Variants in C5orf15 observed in about 807,000 individuals in gnomAD.
The protein encoded by C5orf15 is chromosome 5 open reading frame 15.
Under a neutral mutation model 17.8 loss-of-function variants are expected in C5orf15, and 10 were observed. The ratio of observed to expected loss-of-function variants is 0.56; its 90% CI spans 0.35 to 0.95. The LOEUF is 0.95. Among genes scored for constraint, C5orf15 ranks in the 40% least tolerant of loss-of-function variants. The pLI is 0.02. For missense variants in C5orf15, 319 were observed against 331.7 expected, an observed-to-expected ratio of 0.96 and a Z score of 0.30; for synonymous variants, 124 against 131.0, an observed-to-expected ratio of 0.95 and a Z score of 0.36.
At chr5:133,966,555 C>T (rs1272456587) in intron 1 of C5orf15, among the ~76,000 whole-genome samples, 1 of 152,198 alleles carries the variant, frequency 6.6e-6, no homozygotes, top group Non-Finnish European at 1.5e-5. Context: ...TTCTTACAGA[C>T]TGACGAGCAT....
rs568340511 is a variant in C5orf15, at chr5:133,956,774, C to A, written c.*85G>T. ...AGAGACTCACCTCTCATTTAAGTACCAATTGCCTATGGCAAACATTTGCAC... is the reference window on the plus strand; with the variant it reads ...AGAGACTCACCTCTCATTTAAGTACAAATTGCCTATGGCAAACATTTGCAC... On this transcript the variant is annotated 3_prime_UTR_variant, in exon 3 of 3. Transcript: ENST00000231512. 2.9e-4 allele frequency: 400 copies of A among 1,384,062 alleles called. 1 individual carries two copies. In the African/African-American group the frequency reaches 3.2e-3, roughly 11 times the overall value. The allele number at this position is 1,384,062 out of a possible 1,614,324, so 85.7% of individuals were successfully genotyped here. A position where few individuals can be genotyped will look rare whatever the true frequency, so the allele number is the denominator to read the frequency against.
chr5:133,965,789 G>A (rs913050125), intron 1 of C5orf15, among the ~76,000 whole-genome samples: 1 of 152,186 alleles, frequency 6.6e-6, no homozygotes, highest in Non-Finnish European at 1.5e-5. Context: ...GCTGAGCACG[G>A]TGGCAGGCAC....
intron 1 of C5orf15, among the ~76,000 whole-genome samples, chr5:133,960,362 T>A (rs1752106402): frequency 6.6e-6 from 1 of 152,220 alleles, no homozygotes; most frequent in Admixed American, 6.5e-5. Flanking sequence ...TGTTTTCATT[T>A]CATAAAGGGT....
intron 2 of C5orf15, among the ~76,000 whole-genome samples, chr5:133,958,604 A>AAAAAT (rs1752072240): frequency 3.3e-5 from 5 of 149,274 alleles, no homozygotes; most frequent in African/African-American, 5.0e-5. Context: ...AAAAAAAAAA[A>AAAAAT]CTCTGTGAGA....
At chr5:133,958,907 A>C (rs1386340534) in intron 2 of C5orf15, among the ~76,000 whole-genome samples, 1 of 152,210 alleles carries the variant, frequency 6.6e-6, no homozygotes, top group East Asian at 1.9e-4. Flanking sequence ...CTCTTAAAAA[A>C]AAAATCACTG....
intron 1 of C5orf15, 75 bp from the exon 2 acceptor site, chr5:133,960,095 T>G: frequency 7.7e-7 from 1 of 1,296,686 alleles, no homozygotes; most frequent in Non-Finnish European, 1.1e-6. Context: ...TTTACCCAAA[T>G]TTTACACTAA....
Position 133,959,611 on chromosome 5 carries a change from T to C in C5orf15, c.549A>G (p.Lys183=). 6.2e-7 allele frequency: 1 copy of C among 1,613,044 alleles called. No individual in the cohort carries two copies. Among genetic ancestry groups the C allele is most frequent in the Non-Finnish European group, 8.5e-7 (1 of 1,179,710 alleles). The change falls in exon 2 of 3, where the codon AAA becomes AAG. Residue 183 remains lysine, a synonymous_variant. Transcript: ENST00000231512. ...TATTTGAGGATGGCATCTTAAAAGATTTCACTGACTGTTCAATTTCCATGT... is the reference window on the plus strand; with the variant it reads ...TATTTGAGGATGGCATCTTAAAAGACTTCACTGACTGTTCAATTTCCATGT... ...RGYMEIEQSV[K]SFKMPSSNIE... is the part of the protein sequence containing the mutation.
intron 1 of C5orf15, among the ~76,000 whole-genome samples, chr5:133,966,955 G>A (rs1752200881): frequency 1.3e-5 from 2 of 152,152 alleles, no homozygotes; most frequent in Non-Finnish European, 2.9e-5. Flanking sequence ...ACAAATAAAA[G>A]CAGAGACTAA....
chr5:133,958,482 C>T (rs1330389126), intron 2 of C5orf15, among the ~76,000 whole-genome samples: 1 of 143,168 alleles, frequency 7.0e-6, no homozygotes. Flanking sequence ...GAGGCTGAGC[C>T]ATGAAAATCG....
At position 133,959,993 on chromosome 5, in the gene C5orf15, G is replaced by A; in HGVS notation, c.167C>T (p.Pro56Leu). 1 of 1,610,990 alleles carries A rather than the reference G, an allele frequency of 6.2e-7. No individual in the cohort carries two copies. Among genetic ancestry groups the A allele is most frequent in the Non-Finnish European group, 8.5e-7 (1 of 1,177,410 alleles). Residue 56 changes from proline (P) to leucine (L), a missense_variant, in exon 2 of 3, where the codon CCA becomes CTA. This residue lies in a region of C5orf15 where 127 missense variants were observed against 95.6 expected (regional missense o/e 1.33). Transcript: ENST00000231512. Reference sequence around the variant, plus strand: ...AGAAATATGTGAGTTGAGTACGGTTGGGCTCGGTGAATCAGTCCGTGATAC... The same window carrying A: ...AGAAATATGTGAGTTGAGTACGGTTAGGCTCGGTGAATCAGTCCGTGATAC... Reference protein sequence around the residue: ...SVVSRTDSPSPTVLNSHISTP... With the variant: ...SVVSRTDSPSLTVLNSHISTP...
At chr5:133,959,459 G>C (rs774780423) in intron 2 of C5orf15, 35 bp downstream of exon 2, 34 of 666,194 alleles carry the variant, frequency 5.1e-5, no homozygotes, top group Non-Finnish European at 7.1e-5. Flanking sequence ...CATTATGACT[G>C]AAATAATAAA....
intron 1 of C5orf15, among the ~76,000 whole-genome samples, chr5:133,961,064 CAT>C (rs937799231): frequency 7.9e-5 from 12 of 151,636 alleles, no homozygotes; most frequent in Admixed American, 3.9e-4. Flanking sequence ...CTTTCACAAA[CAT>C]GTGCATTCAC....
rs546904041 is a variant in C5orf15 at position 133,956,711 on chromosome 5, G to A, written c.*148C>T. 1.8e-5 allele frequency: 13 copies of A among 712,270 alleles called. No individual in the cohort carries two copies. The highest frequency in any genetic ancestry group is 4.2e-4 in the Middle Eastern group (1 of 2,362). The allele number at this position is 712,270 out of a possible 1,614,324, so 44.1% of individuals were successfully genotyped here. On this transcript the variant is annotated 3_prime_UTR_variant, in exon 3 of 3. Transcript: ENST00000231512. ...AGTACAGATAAAAAATTATATACTC[G>A]TTTGTGACATTTAATTTCCAAAGCA...
chr5:133,961,595 T>TC (rs1752126150), intron 1 of C5orf15, among the ~76,000 whole-genome samples: 2 of 148,344 alleles, frequency 1.3e-5, no homozygotes, highest in African/African-American at 4.9e-5. Context: ...CTTTTTCCCT[T>TC]TTTTTTTTTT....
At chr5:133,960,965 A>G (rs952927493) in intron 1 of C5orf15, among the ~76,000 whole-genome samples, 2 of 151,990 alleles carry the variant, frequency 1.3e-5, no homozygotes, top group African/African-American at 4.8e-5. Context: ...TGTCATGTAG[A>G]TCTAAACATA....
At chr5:133,958,092 G>A (rs1752062639) in intron 2 of C5orf15, among the ~76,000 whole-genome samples, 1 of 151,822 alleles carries the variant, frequency 6.6e-6, no homozygotes, top group Non-Finnish European at 1.5e-5. Flanking sequence ...CATGAATCTA[G>A]TATGTTTTTA....
intron 1 of C5orf15, among the ~76,000 whole-genome samples, chr5:133,964,562 T>C (rs773410104): frequency 3.3e-5 from 5 of 152,212 alleles, no homozygotes; most frequent in African/African-American, 2.4e-5. Context: ...TTAGGAAAAC[T>C]GGGTAGGGGA....
intron 1 of C5orf15, among the ~76,000 whole-genome samples, chr5:133,960,235 A>C (rs1260695553): frequency 6.6e-6 from 1 of 152,190 alleles, no homozygotes; most frequent in Non-Finnish European, 1.5e-5. Context: ...AGATACTAAC[A>C]ATTTAAGCAG....
At chr5:133,957,282 G>A (rs558036244) in intron 2 of C5orf15, among the ~76,000 whole-genome samples, 3 of 150,936 alleles carry the variant, frequency 2.0e-5, no homozygotes, top group African/African-American at 7.3e-5. Context: ...AGGATCACTC[G>A]AGCCCAGGAG....
Sources: gnomAD v4.1 joint callset for allele counts (sites outside exome capture counted in the v4.1 genomes callset) on GRCh38, gnomAD v4.1.1 for gene constraint, gnomAD v4.1.1 regional missense constraint, MANE v1.5 for transcripts, NCBI Gene and HGNC (gene_info 2026-07-23, HGNC 2026-07-21) for gene names.